SH3RF1: variants seen among roughly 807,000 people sequenced by gnomAD.
The protein encoded by SH3RF1 is SH3 domain containing ring finger 1.
SH3RF1 carries 32 observed loss-of-function variants against 74.0 expected under a neutral mutation model. The observed-to-expected ratio is 0.43, with a 90% CI of 0.33 to 0.58. SH3RF1 has a LOEUF of 0.58. Among genes scored for constraint, SH3RF1 ranks in the 20% least tolerant of loss-of-function variants. The pLI is 0.05. For missense variants in SH3RF1, 954 were observed against 1,130.9 expected, an observed-to-expected ratio of 0.84 and a Z score of 2.24; for synonymous variants, 396 against 439.6, an observed-to-expected ratio of 0.90 and a Z score of 1.24.
intron 2 of SH3RF1, among the ~76,000 whole-genome samples, chr4:169,191,845 A>G (rs1371736249): frequency 1.3e-5 from 2 of 152,198 alleles, no homozygotes; most frequent in East Asian, 3.9e-4. Flanking sequence ...CACAGGTAGG[A>G]GAATGAAAAT....
intron 2 of SH3RF1, among the ~76,000 whole-genome samples, chr4:169,207,741 G>C (rs1730285200): frequency 1.3e-5 from 2 of 152,280 alleles, no homozygotes; most frequent in South Asian, 2.1e-4. Flanking sequence ...CTACATCTAC[G>C]TAAGACACTT....
At chr4:169,152,066 T>C (rs1243557839) in intron 4 of SH3RF1, among the ~76,000 whole-genome samples, 2 of 152,230 alleles carry the variant, frequency 1.3e-5, no homozygotes, top group African/African-American at 4.8e-5. Flanking sequence ...TTTTTAAAAC[T>C]GTATTCAGTC....
chr4:169,261,918 T>G (rs557064355), intron 2 of SH3RF1, among the ~76,000 whole-genome samples: 1 of 152,226 alleles, frequency 6.6e-6, no homozygotes, highest in Non-Finnish European at 1.5e-5. Flanking sequence ...AGAAAAATAC[T>G]ATGAGTATTT....
chr4:169,243,990 C>G (rs1017339212), intron 2 of SH3RF1, among the ~76,000 whole-genome samples: 1 of 152,170 alleles, frequency 6.6e-6, no homozygotes, highest in Non-Finnish European at 1.5e-5. Flanking sequence ...AAGTCTGTCT[C>G]TAGGGCAACA....
At chr4:169,265,798 A>T (rs1731342305) in intron 2 of SH3RF1, among the ~76,000 whole-genome samples, 1 of 152,220 alleles carries the variant, frequency 6.6e-6, no homozygotes, top group African/African-American at 2.4e-5. Flanking sequence ...TATTAAAGAG[A>T]AGTTAATATC....
In SH3RF1 at chr4:169,192,192, T is replaced by A. The variant is rs574109684; in HGVS notation, c.394-35513A>T. 9.9e-5 allele frequency among the ~76,000 whole-genome samples: 15 copies of A among 151,120 alleles called. No homozygotes were observed. In the South Asian group the frequency reaches 3.1e-3, roughly 32 times the overall value. ...AGAATCTACAATGAACTCAAACAAA[T>A]CAACAAGAAAAAAACAATCTCATCA... On this transcript the variant is annotated intron_variant, in intron 2 of 11. Transcript: ENST00000284637.
Position 169,197,181 on chromosome 4 carries a change from T to A in SH3RF1, c.394-40502A>T, listed in dbSNP as rs550880718. Among the ~76,000 whole-genome samples, 169 of 152,176 alleles carry A rather than the reference T, an allele frequency of 1.1e-3. 1 individual carries two copies. The highest frequency in any genetic ancestry group is 3.9e-3 in the African/African-American group (161 of 41,522). ...CTACCATGTCTAATTTTTGTATTTT[T>A]AGTAAAGATGGGGTTTCACCATGTT... On this transcript the variant is annotated intron_variant, in intron 2 of 11. Transcript: ENST00000284637.
chr4:169,104,771 T>C (rs896313720), intron 11 of SH3RF1, among the ~76,000 whole-genome samples: 2 of 151,900 alleles, frequency 1.3e-5, no homozygotes, highest in East Asian at 3.9e-4. Flanking sequence ...GGGCGTGGTG[T>C]GTGCCTGCAA....
At chr4:169,202,323 G>A (rs1734923485) in intron 2 of SH3RF1, among the ~76,000 whole-genome samples, 1 of 152,144 alleles carries the variant, frequency 6.6e-6, no homozygotes, top group African/African-American at 2.4e-5. Context: ...TTCTTGGTAT[G>A]AGGTCAACCT....
At position 169,269,247 on chromosome 4, in the gene SH3RF1, A is replaced by T. The variant is rs933322700; in HGVS notation, c.-35T>A. ...CTTTACTGAGAAAAAATCTTCAGAA[A>T]TGTTCATAGTTGTGTGCATCCCTTA... On this transcript the variant is annotated 5_prime_UTR_variant, in exon 2 of 12. Coordinates refer to ENST00000284637, the MANE Select transcript of SH3RF1 (RefSeq NM_020870.4). 9.8e-6 allele frequency: 15 copies of T among 1,528,610 alleles called. No individual in the cohort carries two copies. The Admixed American group carries it at 2.2e-4, about 22-fold the overall frequency. 94.7% of individuals were successfully genotyped at this position (1,528,610 alleles called of 1,614,324 possible).
intron 8 of SH3RF1, 88 bp from the exon 9 acceptor site, chr4:169,117,870 C>T (rs1733364367): frequency 1.4e-6 from 2 of 1,441,432 alleles, no homozygotes; most frequent in Non-Finnish European, 1.9e-6. Flanking sequence ...TGACTCAGAG[C>T]TTTAAACATA....
At chr4:169,264,889 T>C (rs1731329173) in intron 2 of SH3RF1, among the ~76,000 whole-genome samples, 1 of 152,208 alleles carries the variant, frequency 6.6e-6, no homozygotes. Flanking sequence ...CCTTCCTGTT[T>C]AGGTCAGCCC....
At position 169,120,877 on chromosome 4, in the gene SH3RF1, A is replaced by C; in HGVS notation, c.1459T>G (p.Ser487Ala). The C allele has an allele frequency of 6.2e-7, 1 of 1,614,192 alleles. No homozygotes were observed. The highest frequency in any genetic ancestry group is 8.5e-7 in the Non-Finnish European group (1 of 1,180,028). Residue 487 changes from serine (S) to alanine (A), a missense_variant, in exon 8 of 12, where the codon TCC becomes GCC. Around this residue, in one of 3 missense-constraint regions of SH3RF1, gnomAD observed 854 missense variants for 962.5 expected, o/e 0.89. Coordinates refer to ENST00000284637, the MANE Select transcript of SH3RF1 (RefSeq NM_020870.4). ...RCQDGWFKGT[S>A]MHTSKIGVFP... is the part of the protein sequence containing the mutation. ...ACCCCTATCTTGCTGGTATGCATGG[A>C]TGTCCCTTTGAACCAGCCATCCTGG... is the stretch of plus-strand genomic sequence containing the variant.
chr4:169,096,912 G>C (rs1206863053), intron 11 of SH3RF1, among the ~76,000 whole-genome samples: 3 of 152,196 alleles, frequency 2.0e-5, no homozygotes, highest in African/African-American at 2.4e-5. Flanking sequence ...GGCCCAGACT[G>C]GTTCATCTGA....
At chr4:169,252,772 C>T (rs1200992681) in intron 2 of SH3RF1, among the ~76,000 whole-genome samples, 1 of 152,148 alleles carries the variant, frequency 6.6e-6, no homozygotes, top group African/African-American at 2.4e-5. Context: ...AACACAGGCT[C>T]TTTTTTCATA....
intron 2 of SH3RF1, among the ~76,000 whole-genome samples, chr4:169,232,285 G>A (rs1186628022): frequency 1.3e-5 from 2 of 152,230 alleles, no homozygotes; most frequent in Non-Finnish European, 2.9e-5. Flanking sequence ...GACCGCCATA[G>A]CAATGTGAAG....
At chr4:169,265,033 C>T (rs899744241) in intron 2 of SH3RF1, among the ~76,000 whole-genome samples, 3 of 152,198 alleles carry the variant, frequency 2.0e-5, no homozygotes, top group African/African-American at 7.2e-5. Flanking sequence ...CACAATTCAC[C>T]CTCACGCTAA....
intron 2 of SH3RF1, among the ~76,000 whole-genome samples, chr4:169,245,190 A>G (rs1322939082): frequency 6.6e-6 from 1 of 152,232 alleles, no homozygotes; most frequent in Middle Eastern, 3.2e-3. Flanking sequence ...GTAACAATCA[A>G]CTTATTAAAT....
Position 169,095,453 on chromosome 4 carries a change from T to A in SH3RF1, c.*1066A>T, listed in dbSNP as rs1732900348. 1 of 152,628 alleles carries A rather than the reference T, an allele frequency of 6.6e-6. No individual in the cohort carries two copies. Among genetic ancestry groups the A allele is most frequent in the Non-Finnish European group, 1.5e-5 (1 of 68,040 alleles). 9.5% of individuals were successfully genotyped at this position (152,628 alleles called of 1,614,324 possible). Reference sequence around the variant, plus strand: ...ACACCATGCACAGTCTATATTACTGTGGGAATCCAGTAATACATGCAAGAC... The same window carrying A: ...ACACCATGCACAGTCTATATTACTGAGGGAATCCAGTAATACATGCAAGAC... On this transcript the variant is annotated 3_prime_UTR_variant, in exon 12 of 12. Transcript: ENST00000284637.
Sources: allele counts gnomAD v4.1 joint callset (sites outside exome capture counted in the v4.1 genomes callset), GRCh38; gene constraint gnomAD v4.1.1; regional missense constraint gnomAD v4.1.1; transcripts MANE v1.5; gene names NCBI Gene and HGNC (gene_info 2026-07-23, HGNC 2026-07-21).